The following FAM107B variants were observed in gnomAD, a reference collection of about 807,000 sequenced individuals.
The protein encoded by FAM107B is family with sequence similarity 107 member B.
Under a neutral mutation model 31.5 loss-of-function variants are expected in FAM107B, and 21 were observed. The observed-to-expected ratio is 0.67, with a 90% CI of 0.47 to 0.96. FAM107B has a LOEUF of 0.96. FAM107B is among the 40% of genes least tolerant of loss of function. The pLI is 0.00. For synonymous variants in FAM107B, 157 were observed against 141.5 expected (o/e 1.11, Z -0.78); for missense variants, 452 against 377.1 (o/e 1.20, Z -1.64).
intron 2 of FAM107B, among the ~76,000 whole-genome samples, chr10:14,564,339 G>A (rs754947587): frequency 1.3e-5 from 2 of 151,530 alleles, no homozygotes; most frequent in Admixed American, 6.6e-5. Context: ...TTCCTCTTCC[G>A]GCCACATTTA....
intron 1 of FAM107B, among the ~76,000 whole-genome samples, chr10:14,703,070 C>T (rs1304459804): frequency 6.6e-6 from 1 of 152,170 alleles, no homozygotes; most frequent in African/African-American, 2.4e-5. Flanking sequence ...GGTATTGCCC[C>T]TCAACCAAAG....
chr10:14,669,687 T>A (rs1337737822), intron 1 of FAM107B, among the ~76,000 whole-genome samples: 1 of 152,226 alleles, frequency 6.6e-6, no homozygotes, highest in Non-Finnish European at 1.5e-5. Context: ...ATGTTCTTAT[T>A]CTTGTTGCAT....
intron 2 of FAM107B, among the ~76,000 whole-genome samples, chr10:14,631,806 T>C (rs1214808049): frequency 6.6e-6 from 1 of 152,046 alleles, no homozygotes; most frequent in Non-Finnish European, 1.5e-5. Context: ...GCTACCCAGG[T>C]TGTGAGGTCC....
chr10:14,573,647 G>A (rs1414620890), intron 2 of FAM107B, among the ~76,000 whole-genome samples: 2 of 151,770 alleles, frequency 1.3e-5, no homozygotes, highest in Admixed American at 6.6e-5. Context: ...GGGAGGCAGA[G>A]GCAGGAGAAT....
chr10:14,663,187 A>AT (rs1457032533), intron 2 of FAM107B, among the ~76,000 whole-genome samples: 1 of 152,094 alleles, frequency 6.6e-6, no homozygotes, highest in Non-Finnish European at 1.5e-5. Flanking sequence ...TACTTTTGAG[A>AT]TTTTGGGTTT....
rs1554759099 is a variant in FAM107B at position 14,772,362 on chromosome 10, A to ATAT, written c.411+1890_411+1891insATA. Among the ~76,000 whole-genome samples, 308 of 145,630 alleles carry ATAT rather than the reference A, an allele frequency of 2.1e-3. 1 individual carries two copies. The highest frequency in any genetic ancestry group is 7.1e-3 in the African/African-American group (273 of 38,358). On this transcript the variant is annotated intron_variant, in intron 1 of 4. Coordinates refer to ENST00000181796, the MANE Select transcript of FAM107B (RefSeq NM_031453.4). ...GAGCAAGACTCCATCTTAAAAAAAA[A>ATAT]ATATATATATATATATATGCACCTC...
rs554072886 is a variant in FAM107B, at chr10:14,538,538, G to A, written c.470-8023C>T. Among the ~76,000 whole-genome samples, 4 of 152,326 alleles carry A rather than the reference G, an allele frequency of 2.6e-5. No homozygotes were observed. The East Asian group carries it at 7.7e-4, about 29-fold the overall frequency. ...AACCAACCTTTGATGTTAGGTGTCA[G>A]GATAATGCTTATTTCGGGAGTGAAT... On this transcript the variant is annotated intron_variant, in intron 2 of 4. Coordinates refer to ENST00000181796, the MANE Select transcript of FAM107B (RefSeq NM_031453.4).
At chr10:14,583,582 C>T (rs533686103) in intron 2 of FAM107B, among the ~76,000 whole-genome samples, 2 of 152,032 alleles carry the variant, frequency 1.3e-5, no homozygotes, top group African/African-American at 4.8e-5. Context: ...AAAGTGGTCG[C>T]GGAAGTTGTG....
At chr10:14,655,198 C>A (rs1018266356) in intron 2 of FAM107B, among the ~76,000 whole-genome samples, 1 of 152,158 alleles carries the variant, frequency 6.6e-6, no homozygotes, top group South Asian at 2.1e-4. Flanking sequence ...AAGATTGACA[C>A]TAAGCCATTC....
intron 2 of FAM107B, chr10:14,548,298 C>G: frequency 5.1e-6 from 2 of 393,688 alleles, no homozygotes; most frequent in Non-Finnish European, 6.9e-6. Flanking sequence ...GGAACACGGA[C>G]ACCCTGGGGG....
chr10:14,633,355 T>C (rs1041297769), intron 2 of FAM107B, among the ~76,000 whole-genome samples: 1 of 152,176 alleles, frequency 6.6e-6, no homozygotes, highest in Non-Finnish European at 1.5e-5. Context: ...CATATACACA[T>C]AGACTCCTGG....
Position 14,658,397 on chromosome 10 carries a change from AGACCCATGTCT to A in FAM107B, c.469+9226_469+9236del, listed in dbSNP as rs376081973. On this transcript the variant is annotated intron_variant, in intron 2 of 4. Transcript: ENST00000181796. ...AAGTCTATTTAGCATCTTGAAGGCA[AGACCCATGTCT>A]GACCCATGTCTGACTCATCTTTGAC... 4.3e-3 allele frequency among the ~76,000 whole-genome samples: 652 copies of A among 152,338 alleles called. 3 individuals are homozygous for A. Among genetic ancestry groups the A allele is most frequent in the African/African-American group, 0.014 (574 of 41,576 alleles).
intron 2 of FAM107B, among the ~76,000 whole-genome samples, chr10:14,649,911 G>T (rs1348292580): frequency 6.6e-6 from 1 of 152,212 alleles, no homozygotes; most frequent in African/African-American, 2.4e-5. Context: ...GGCACTCAGT[G>T]CAGAGTTAGT....
Position 14,774,732 on chromosome 10 carries a change from A to C in FAM107B, c.-69T>G. 6.6e-7 allele frequency: 1 copy of C among 1,504,932 alleles called. No individual in the cohort carries two copies. Among genetic ancestry groups the C allele is most frequent in the Non-Finnish European group, 9.0e-7 (1 of 1,106,808 alleles). The allele number at this position is 1,504,932 out of a possible 1,614,324, so 93.2% of individuals were successfully genotyped here. A position where few individuals can be genotyped will look rare whatever the true frequency, so the allele number is the denominator to read the frequency against. ...TTTTCCAGGGGTCCACATCACCTCC[A>C]CTTTGCTTATAGGAACTCTTTCCAA... On this transcript the variant is annotated 5_prime_UTR_variant, in exon 1 of 5. Coordinates refer to ENST00000181796, the MANE Select transcript of FAM107B (RefSeq NM_031453.4).
intron 1 of FAM107B, among the ~76,000 whole-genome samples, chr10:14,677,453 C>G (rs888812634): frequency 3.3e-5 from 5 of 152,084 alleles, no homozygotes; most frequent in South Asian, 2.1e-4. Flanking sequence ...AACCCCGTCT[C>G]CACTAAAAAT....
chr10:14,706,448 G>A (rs527404476), intron 1 of FAM107B, among the ~76,000 whole-genome samples: 119 of 152,172 alleles, frequency 7.8e-4, no homozygotes, highest in Non-Finnish European at 1.5e-3. Context: ...GGCTGGTCTT[G>A]AACTCCTGGC....
intron 1 of FAM107B, among the ~76,000 whole-genome samples, chr10:14,691,722 A>T (rs1402235329): frequency 6.6e-6 from 1 of 151,958 alleles, no homozygotes; most frequent in Non-Finnish European, 1.5e-5. Flanking sequence ...GTGAAACCCC[A>T]TCTCTACTGA....
At chr10:14,626,016 A>G (rs972281581) in intron 2 of FAM107B, among the ~76,000 whole-genome samples, 3 of 152,202 alleles carry the variant, frequency 2.0e-5, no homozygotes, top group Non-Finnish European at 2.9e-5. Context: ...TCCTCATTAG[A>G]GCCAAGGGGA....
rs573710701 is a variant in FAM107B, at chr10:14,614,033, A to G, written c.469+53601T>C. Among the ~76,000 whole-genome samples the G allele has an allele frequency of 1.2e-4, 19 of 152,296 alleles. No individual in the cohort carries two copies. The East Asian group carries it at 3.5e-3, about 28-fold the overall frequency. On this transcript the variant is annotated intron_variant, in intron 2 of 4. Coordinates refer to ENST00000181796, the MANE Select transcript of FAM107B (RefSeq NM_031453.4). ...GTAGTCCCAGCTACTCGGGAGGCTG[A>G]TACAGAAGAATCGCTTGAACGTGGG...
Sources: gnomAD v4.1 joint callset for allele counts (sites outside exome capture counted in the v4.1 genomes callset) on GRCh38, gnomAD v4.1.1 for gene constraint, MANE v1.5 for transcripts, NCBI Gene and HGNC (gene_info 2026-07-23, HGNC 2026-07-21) for gene names.